The following AGO3 variants were observed in gnomAD, a reference collection of about 807,000 sequenced individuals.
AGO3 encodes the protein protein argonaute-3.
A neutral mutation model predicts 105.5 loss-of-function variants in AGO3; 16 were observed. The ratio of observed to expected loss-of-function variants is 0.15; its 90% CI spans 0.10 to 0.23. AGO3 has a LOEUF of 0.23. Among genes scored for constraint, AGO3 ranks in the 10% least tolerant of loss-of-function variants. The probability of loss-of-function intolerance (pLI) is 1.00; values close to 1 mark genes in which losing one functional copy is unlikely to be tolerated. For missense variants in AGO3, 534 were observed against 1,088.0 expected (o/e 0.49, Z 7.16); for synonymous variants, 340 against 367.3 (o/e 0.93, Z 0.85).
chr1:36,000,209 A>T (rs72661652), intron 5 of AGO3, among the ~76,000 whole-genome samples: 2 of 152,334 alleles, frequency 1.3e-5, no homozygotes, highest in Non-Finnish European at 2.9e-5. Flanking sequence ...TAAACTACAT[A>T]TATATGTAGG....
rs149772641 is a variant in AGO3, at chr1:36,023,941, G to A, written c.1407-3173G>A. 2.7e-3 allele frequency among the ~76,000 whole-genome samples: 407 copies of A among 152,060 alleles called. 2 individuals carry two copies. Among genetic ancestry groups the A allele is most frequent in the African/African-American group, 8.9e-3 (370 of 41,500 alleles). On this transcript the variant is annotated intron_variant, in intron 11 of 18. Coordinates refer to ENST00000373191, the MANE Select transcript of AGO3 (RefSeq NM_024852.4). ...ACTTCTAAGTGTGCAAAAATCTTCA[G>A]TTCAGTTTCTTTTTAATCAGCAATT...
chr1:35,982,750 A>C, intron 5 of AGO3: 1 of 666,836 alleles, frequency 1.5e-6, no homozygotes. Context: ...GATGGAGAGG[A>C]AGGATTAAGC....
intron 11 of AGO3, among the ~76,000 whole-genome samples, chr1:36,023,975 A>G (rs1285029201): frequency 1.3e-5 from 2 of 152,072 alleles, no homozygotes; most frequent in Non-Finnish European, 2.9e-5. Flanking sequence ...TTTTCACATT[A>G]CCTAACAATC....
In AGO3 at chr1:36,061,639, T is replaced by C. The variant is rs1339192166; in HGVS notation, c.*5894T>C. 1 of 152,206 alleles carries C rather than the reference T, an allele frequency of 6.6e-6. No individual in the cohort carries two copies. The highest frequency in any genetic ancestry group is 2.4e-5 in the African/African-American group (1 of 41,464). 9.4% of individuals were successfully genotyped at this position (152,206 alleles called of 1,614,324 possible). A position where few individuals can be genotyped will look rare whatever the true frequency, so the allele number is the denominator to read the frequency against. On this transcript the variant is annotated 3_prime_UTR_variant, in exon 19 of 19. Coordinates refer to ENST00000373191, the MANE Select transcript of AGO3 (RefSeq NM_024852.4). ...ATCGGGGTCCCTTCCTTTTTTAGAC[T>C]AATTTCTAAGGTAACCAGAATCTAA...
chr1:36,006,191 C>T (rs1640325668), intron 6 of AGO3, among the ~76,000 whole-genome samples: 2 of 150,320 alleles, frequency 1.3e-5, no homozygotes, highest in South Asian at 2.1e-4. Flanking sequence ...GTTTTGTGTT[C>T]TCTCCTGTAT....
At chr1:35,982,754 A>G (rs1414051204) in intron 5 of AGO3, 6 of 644,040 alleles carry the variant, frequency 9.3e-6, no homozygotes, top group Admixed American at 2.8e-5. Context: ...GAGAGGAAGG[A>G]TTAAGCTGAA....
At chr1:35,932,404 A>T (rs899486938) in intron 1 of AGO3, among the ~76,000 whole-genome samples, 2 of 152,190 alleles carry the variant, frequency 1.3e-5, no homozygotes, top group African/African-American at 4.8e-5. Flanking sequence ...CCTGAATTCC[A>T]TATCTCTTTT....
In AGO3 at chr1:35,957,179, A is replaced by G. The variant is rs917037261; in HGVS notation, c.192-9776A>G. Among the ~76,000 whole-genome samples the G allele has an allele frequency of 1.0e-3, 146 of 142,692 alleles. No homozygotes were observed. The Middle Eastern group carries it at 0.032, about 32-fold the overall frequency. 93.6% of individuals were successfully genotyped at this position (142,692 alleles called of 152,430 possible). ...AGCCTGGCCAACATGGTGAAACCCC[A>G]TCTCTACTAAAAATACAAAAATTAG... is the stretch of plus-strand genomic sequence containing the variant. On this transcript the variant is annotated intron_variant, in intron 2 of 18. Coordinates refer to ENST00000373191, the MANE Select transcript of AGO3 (RefSeq NM_024852.4).
At position 36,055,380 on chromosome 1, in the gene AGO3, G is replaced by GT; in HGVS notation, c.2474+236dup. 1.6e-6 allele frequency: 1 copy of GT among 611,260 alleles called. No homozygotes were observed. Among genetic ancestry groups the GT allele is most frequent in the Non-Finnish European group, 2.9e-6 (1 of 348,462 alleles). 37.9% of individuals were successfully genotyped at this position (611,260 alleles called of 1,614,324 possible). On this transcript the variant is annotated intron_variant, in intron 18 of 18. Transcript: ENST00000373191. This position sits in a 1 kb window ranked among gnomAD's most constrained non-coding sequence, Gnocchi z 4.4. The stretch of plus-strand genomic sequence containing the variant: ...CAAAGGAGAGATTATTGGTAATAAA[G>GT]TGATACATTCAGACAGATAGACAAA...
At chr1:36,022,889 T>C (rs7527234) in intron 11 of AGO3, among the ~76,000 whole-genome samples, 2,231 of 140,810 alleles carry the variant, frequency 0.016, 49 homozygotes, top group African/African-American at 0.057. Flanking sequence ...CCATTGCACT[T>C]CAGCCCAGGC....
chr1:36,012,763 A>G (rs758787235), intron 9 of AGO3, among the ~76,000 whole-genome samples: 5 of 152,144 alleles, frequency 3.3e-5, no homozygotes, highest in Non-Finnish European at 7.4e-5. Flanking sequence ...AGGTTCAATC[A>G]TACAAAATTA....
intron 5 of AGO3, among the ~76,000 whole-genome samples, chr1:35,976,536 T>C (rs1330474698): frequency 1.3e-5 from 2 of 152,206 alleles, no homozygotes; most frequent in Admixed American, 1.3e-4. Context: ...TAAATAGTAG[T>C]GATTAATGTG....
chr1:35,962,676 A>G (rs1324279802), intron 2 of AGO3, among the ~76,000 whole-genome samples: 4 of 152,176 alleles, frequency 2.6e-5, no homozygotes, highest in Admixed American at 2.6e-4. Flanking sequence ...ATGCCATTAC[A>G]AATTGATTAG....
At position 36,058,119 on chromosome 1, in the gene AGO3, G is replaced by T. The variant is rs1642977783; in HGVS notation, c.*2374G>T. On this transcript the variant is annotated 3_prime_UTR_variant, in exon 19 of 19. Transcript: ENST00000373191. ...TTGCAAATAGATTGTGTTTATTGAAGAATCATATTGGCTAGATGCCCATTT... is the reference window on the plus strand; with the variant it reads ...TTGCAAATAGATTGTGTTTATTGAATAATCATATTGGCTAGATGCCCATTT... 6.6e-6 allele frequency: 1 copy of T among 152,094 alleles called. No homozygotes were observed. Among genetic ancestry groups the T allele is most frequent in the Non-Finnish European group, 1.5e-5 (1 of 68,028 alleles). 9.4% of individuals were successfully genotyped at this position (152,094 alleles called of 1,614,324 possible).
Position 36,027,440 on chromosome 1 carries a change from A to G in AGO3, c.1591+142A>G, listed in dbSNP as rs1569854475. ...AAACCATGTATTATTACTTGAAGAC[A>G]AATTAATATAGCAAACTAAATAGTC... On this transcript the variant is annotated intron_variant, in intron 12 of 18. Coordinates refer to ENST00000373191, the MANE Select transcript of AGO3 (RefSeq NM_024852.4). This position sits in a 1 kb window ranked among gnomAD's most constrained non-coding sequence, Gnocchi z 4.0. 1.2e-5 allele frequency: 10 copies of G among 851,332 alleles called. No individual in the cohort carries two copies. The highest frequency in any genetic ancestry group is 8.5e-5 in the African/African-American group (5 of 58,646). 52.7% of individuals were successfully genotyped at this position (851,332 alleles called of 1,614,324 possible).
chr1:36,038,252 C>CTTTT lies in AGO3; in HGVS notation c.1843-1521_1843-1518dup, dbSNP rs781058020. 1.1e-3 allele frequency among the ~76,000 whole-genome samples: 128 copies of CTTTT among 112,576 alleles called. 3 individuals carry two copies. Among genetic ancestry groups the CTTTT allele is most frequent in the African/African-American group, 3.2e-3 (92 of 28,590 alleles). The allele number at this position is 112,576 out of a possible 152,430, so 73.9% of individuals were successfully genotyped here. On this transcript the variant is annotated intron_variant, in intron 14 of 18. Coordinates refer to ENST00000373191, the MANE Select transcript of AGO3 (RefSeq NM_024852.4). The stretch of plus-strand genomic sequence containing the variant: ...TTCCATCCGAGGGTCTGGATTTATT[C>CTTTT]TTTTTTTTTTTTTTTTTTTTGAGAC...
chr1:36,030,260 G>A (rs1641710487), intron 12 of AGO3, among the ~76,000 whole-genome samples: 1 of 152,056 alleles, frequency 6.6e-6, no homozygotes, highest in Non-Finnish European at 1.5e-5. Context: ...CCAGCATTTT[G>A]AGAAGCCAAG....
rs796122340 is a variant in AGO3 at position 36,063,016 on chromosome 1, TA to T, written c.*7272del. 1.3e-5 allele frequency: 2 copies of T among 152,336 alleles called. No individual in the cohort carries two copies. The highest frequency in any genetic ancestry group is 4.8e-5 in the African/African-American group (2 of 41,586). The allele number at this position is 152,336 out of a possible 1,614,324, so 9.4% of individuals were successfully genotyped here. A position where few individuals can be genotyped will look rare whatever the true frequency, so the allele number is the denominator to read the frequency against. Reference sequence around the variant, plus strand: ...TTTGCTTGTCGGTTTTAAGGTATTTTATTTTTATAGATATTTCTAGCTTTCC... The same window carrying T: ...TTTGCTTGTCGGTTTTAAGGTATTTTTTTTTATAGATATTTCTAGCTTTCC... On this transcript the variant is annotated 3_prime_UTR_variant, in exon 19 of 19. Coordinates refer to ENST00000373191, the MANE Select transcript of AGO3 (RefSeq NM_024852.4).
intron 17 of AGO3, among the ~76,000 whole-genome samples, chr1:36,045,930 C>T (rs1370322073): frequency 6.6e-6 from 1 of 152,138 alleles, no homozygotes; most frequent in East Asian, 1.9e-4. Context: ...CACAGAAACT[C>T]GGGATGACCA....
Sources: allele counts gnomAD v4.1 joint callset (sites outside exome capture counted in the v4.1 genomes callset), GRCh38; gene constraint gnomAD v4.1.1; non-coding constraint Gnocchi (gnomAD v3.1); transcripts MANE v1.5; gene names NCBI Gene and HGNC (gene_info 2026-07-23, HGNC 2026-07-21).